SUFU: variants seen among roughly 807,000 people sequenced by gnomAD.
SUFU encodes the protein SUFU negative regulator of hedgehog signaling, also known as suppressor of fused homolog.
Under a neutral mutation model 58.9 loss-of-function variants are expected in SUFU, and 7 were observed. The observed-to-expected ratio is 0.12, with a 90% CI of 0.07 to 0.22. The LOEUF (loss-of-function observed/expected upper bound fraction) is 0.22, where lower values mean the gene tolerates loss of function less well. SUFU is among the 10% of genes least tolerant of loss of function. The pLI is 1.00. For synonymous variants in SUFU, 232 were observed against 254.8 expected, an observed-to-expected ratio of 0.91 and a Z score of 0.85; for missense variants, 451 against 641.3, an observed-to-expected ratio of 0.70 and a Z score of 3.20.
intron 2 of SUFU, among the ~76,000 whole-genome samples, chr10:102,516,673 A>T (rs772398278): frequency 5.9e-5 from 9 of 151,632 alleles, no homozygotes; most frequent in Non-Finnish European, 1.2e-4. Flanking sequence ...TCAGCCTCCC[A>T]AGTAGCTGGG....
intron 2 of SUFU, among the ~76,000 whole-genome samples, chr10:102,517,317 CA>C (rs1337278135): frequency 6.6e-6 from 1 of 152,000 alleles, no homozygotes; most frequent in Non-Finnish European, 1.5e-5. Flanking sequence ...AACAAACAAA[CA>C]AAAAGAACAA....
intron 2 of SUFU, among the ~76,000 whole-genome samples, chr10:102,532,548 G>T (rs1461566433): frequency 6.6e-6 from 1 of 152,208 alleles, no homozygotes; most frequent in African/African-American, 2.4e-5. Flanking sequence ...CTGCTTCCCA[G>T]CTCCCTCAGG....
intron 10 of SUFU, among the ~76,000 whole-genome samples, chr10:102,622,263 G>T (rs1241728776): frequency 6.6e-6 from 1 of 152,220 alleles, no homozygotes; most frequent in East Asian, 1.9e-4. Flanking sequence ...GTGGGCCTGA[G>T]TATTTCCCCA....
chr10:102,537,117 A>G (rs1229550706), intron 2 of SUFU, among the ~76,000 whole-genome samples: 1 of 143,204 alleles, frequency 7.0e-6, no homozygotes, highest in Non-Finnish European at 1.5e-5. Context: ...AGCCTACATA[A>G]TTTAAATTTA....
chr10:102,621,289 T>A (rs1245470042), intron 10 of SUFU, among the ~76,000 whole-genome samples: 1 of 152,156 alleles, frequency 6.6e-6, no homozygotes, highest in East Asian at 1.9e-4. Flanking sequence ...GACCTTGTTG[T>A]CCAGGGGGAC....
At chr10:102,513,048 A>G (rs2062420734) in intron 2 of SUFU, among the ~76,000 whole-genome samples, 1 of 152,116 alleles carries the variant, frequency 6.6e-6, no homozygotes, top group Admixed American at 6.6e-5. Context: ...AGTTTGGGTA[A>G]CAGAGCGAGA....
Position 102,594,043 on chromosome 10 carries a change from T to G in SUFU, c.734T>G (p.Phe245Cys). ...GACATGCGGAGGGGAGAGACCATATTTGAGATCGATCCACACCTGCAAGTA... is the reference window on the plus strand; with the variant it reads ...GACATGCGGAGGGGAGAGACCATATGTGAGATCGATCCACACCTGCAAGTA... Reference protein sequence around the residue: ...ITDMRRGETIFEIDPHLQERV... With the variant: ...ITDMRRGETICEIDPHLQERV... Residue 245 changes from phenylalanine (F) to cysteine (C), a missense_variant, in exon 6 of 12, where the codon TTT (phenylalanine) becomes TGT (cysteine). Physicochemically the swap from Phe to Cys is radical, Grantham distance 205 (BLOSUM62 -2). Transcript: ENST00000369902. 3.7e-6 allele frequency: 6 copies of G among 1,613,204 alleles called. No homozygotes were observed. Among genetic ancestry groups the G allele is most frequent in the Non-Finnish European group, 5.1e-6 (6 of 1,179,658 alleles).
chr10:102,605,076 G>T (rs1373434865), intron 8 of SUFU, among the ~76,000 whole-genome samples: 1 of 151,748 alleles, frequency 6.6e-6, no homozygotes, highest in Non-Finnish European at 1.5e-5. Flanking sequence ...ACACCACCAC[G>T]TCCAGCTAAT....
At chr10:102,549,497 T>C (rs1564676145) in intron 2 of SUFU, among the ~76,000 whole-genome samples, 1 of 152,204 alleles carries the variant, frequency 6.6e-6, no homozygotes, top group Non-Finnish European at 1.5e-5. Context: ...GGGATTACAA[T>C]TCAAGATGAG....
intron 10 of SUFU, among the ~76,000 whole-genome samples, chr10:102,624,640 C>T (rs533707601): frequency 2.0e-5 from 3 of 152,248 alleles, no homozygotes; most frequent in South Asian, 2.1e-4. Flanking sequence ...CTCCCCCAAC[C>T]GAGTCCAAAA....
In SUFU at chr10:102,617,126, G is replaced by A. The variant is rs2063694371; in HGVS notation, c.1158-164G>A. ...TCTTTGAAGGTGTTGAAATGAGCGT[G>A]TTTGGATACAGTCCCCTGTTGATGG... On this transcript the variant is annotated intron_variant, in intron 9 of 11. Transcript: ENST00000369902. The surrounding 1 kb of genome is among the most constrained non-coding windows in gnomAD (Gnocchi z 4.4). Among the ~76,000 whole-genome samples the A allele has an allele frequency of 1.3e-5, 2 of 152,242 alleles. No homozygotes were observed. Among genetic ancestry groups the A allele is most frequent in the African/African-American group, 4.8e-5 (2 of 41,462 alleles).
At position 102,632,439 on chromosome 10, in the gene SUFU, C is replaced by G. The variant is rs1346003451; in HGVS notation, c.*2284C>G. On this transcript the variant is annotated 3_prime_UTR_variant, in exon 12 of 12. Coordinates refer to ENST00000369902, the MANE Select transcript of SUFU (RefSeq NM_016169.4). ...GGGGCCAGGCTCCATCTCACTGGCTCTGAGGGCAGGACAGGGTATCACACA... is the reference window on the plus strand; with the variant it reads ...GGGGCCAGGCTCCATCTCACTGGCTGTGAGGGCAGGACAGGGTATCACACA... 1 of 233,338 alleles carries G rather than the reference C, an allele frequency of 4.3e-6. No homozygotes were observed. The highest frequency in any genetic ancestry group is 6.0e-5 in the East Asian group (1 of 16,572). The allele number at this position is 233,338 out of a possible 1,614,324, so 14.5% of individuals were successfully genotyped here.
rs1564685489 is a variant in SUFU, at chr10:102,568,896, A to AT, written c.454+18790_454+18791insT. Among the ~76,000 whole-genome samples, 79 of 15,456 alleles carry AT rather than the reference A, an allele frequency of 5.1e-3. 5 individuals are homozygous for AT. Among genetic ancestry groups the AT allele is most frequent in the African/African-American group, 0.018 (51 of 2,786 alleles). The allele number at this position is 15,456 out of a possible 152,430, so 10.1% of individuals were successfully genotyped here. A position where few individuals can be genotyped will look rare whatever the true frequency, so the allele number is the denominator to read the frequency against. On this transcript the variant is annotated intron_variant, in intron 3 of 11. Transcript: ENST00000369902. The stretch of plus-strand genomic sequence containing the variant: ...TCTCAAAAAAAAAAAAAAAAAAAAA[A>AT]AATATATATATATATATATATATAC...
chr10:102,583,147 G>A (rs961895173), intron 3 of SUFU, among the ~76,000 whole-genome samples: 5 of 152,164 alleles, frequency 3.3e-5, no homozygotes, highest in Non-Finnish European at 5.9e-5. Flanking sequence ...AGACCAGACC[G>A]GACTCAAGAA....
At chr10:102,511,594 C>G (rs1315025504) in intron 2 of SUFU, among the ~76,000 whole-genome samples, 1 of 152,000 alleles carries the variant, frequency 6.6e-6, no homozygotes, top group African/African-American at 2.4e-5. Flanking sequence ...CTCGTTATTC[C>G]TATTTTATAG....
Position 102,617,387 on chromosome 10 carries a change from A to G in SUFU, c.1255A>G (p.Thr419Ala), listed in dbSNP as rs748828586. 3 of 1,614,080 alleles carry G rather than the reference A, an allele frequency of 1.9e-6. No homozygotes were observed. Residue 419 changes from threonine (T) to alanine (A), a missense_variant, in exon 10 of 12, where the codon ACT (threonine) becomes GCT (alanine). By Grantham distance (58) the Thr-to-Ala change is moderately conservative. Transcript: ENST00000369902. This position sits in a 1 kb window ranked among gnomAD's most constrained non-coding sequence, Gnocchi z 4.4. ...VSTGVEGAFA[T>A]EEHPYAAHGP... ...CACGGGAGTGGAAGGCGCCTTTGCC[A>G]CTGAGGAGCATCCTTACGCGGCTCA...
Position 102,619,215 on chromosome 10 carries a change from G to T in SUFU, c.1296+1787G>T. ...ATGTCACATTGCCCCTCAGTCCCCTGAATGCCCTTCGGACCCAACCCCAAT... is the reference window on the plus strand; with the variant it reads ...ATGTCACATTGCCCCTCAGTCCCCTTAATGCCCTTCGGACCCAACCCCAAT... On this transcript the variant is annotated intron_variant, in intron 10 of 11. Coordinates refer to ENST00000369902, the MANE Select transcript of SUFU (RefSeq NM_016169.4). The surrounding 1 kb of genome is among the most constrained non-coding windows in gnomAD (Gnocchi z 4.2). The T allele has an allele frequency of 6.3e-7, 1 of 1,576,348 alleles. No homozygotes were observed.
At chr10:102,599,803 G>T (rs373632604) in intron 8 of SUFU, among the ~76,000 whole-genome samples, 3 of 152,214 alleles carry the variant, frequency 2.0e-5, no homozygotes, top group East Asian at 3.9e-4. Context: ...CAGACAGGAG[G>T]CCAGGTTGGG....
rs1432365875 is a variant in SUFU at position 102,615,318 on chromosome 10, A to G, written c.1073A>G (p.His358Arg). 2 of 1,614,004 alleles carry G rather than the reference A, an allele frequency of 1.2e-6. No homozygotes were observed. Among genetic ancestry groups the G allele is most frequent in the African/African-American group, 2.7e-5 (2 of 74,888 alleles). The change falls in exon 9 of 12, where the codon CAT (histidine) becomes CGT (arginine). Residue 358 changes from histidine (H) to arginine (R), a missense_variant. Coordinates refer to ENST00000369902, the MANE Select transcript of SUFU (RefSeq NM_016169.4). ...ESDSSTAIIP[H>R]ELIRTRQLES... Reference sequence around the variant, plus strand: ...GACAGCTCCACGGCCATCATTCCCCATGAGCTGATTCGCACGCGGCAGCTT... The same window carrying G: ...GACAGCTCCACGGCCATCATTCCCCGTGAGCTGATTCGCACGCGGCAGCTT...
Sources: gnomAD v4.1 joint callset for allele counts (sites outside exome capture counted in the v4.1 genomes callset) on GRCh38, gnomAD v4.1.1 for gene constraint, Gnocchi (gnomAD v3.1) non-coding constraint, MANE v1.5 for transcripts, NCBI Gene and HGNC (gene_info 2026-07-23, HGNC 2026-07-21) for gene names.